The following ZNF326 variants were observed in gnomAD, a reference collection of about 807,000 sequenced individuals.
ZNF326 encodes zinc finger protein 326.
In ZNF326, 30 loss-of-function variants were observed where a neutral mutation model predicts 63.1. The ratio of observed to expected loss-of-function variants is 0.48; its 90% CI spans 0.36 to 0.64. ZNF326 has a LOEUF of 0.64. ZNF326 is among the 30% of genes least tolerant of loss of function. The pLI is 0.00. For missense variants in ZNF326, 609 were observed against 720.3 expected (o/e 0.85, Z 1.77); for synonymous variants, 194 against 228.2 (o/e 0.85, Z 1.35).
chr1:90,005,722 T>A (rs562623498), intron 4 of ZNF326: 3 of 984,672 alleles, frequency 3.0e-6, no homozygotes, highest in South Asian at 4.7e-5. Flanking sequence ...TCAGGACATA[T>A]TCCTTTAATT....
chr1:90,001,223 C>G (rs1306333059), intron 2 of ZNF326, among the ~76,000 whole-genome samples: 5 of 152,160 alleles, frequency 3.3e-5, no homozygotes, highest in African/African-American at 1.2e-4. Context: ...TGCAAAATCT[C>G]CCCTAGTTAA....
rs1648941821 is a variant in ZNF326, at chr1:90,005,438, G to T, written c.209+194G>T. 3 of 1,310,722 alleles carry T rather than the reference G, an allele frequency of 2.3e-6. No individual in the cohort carries two copies. In the Admixed American group the frequency reaches 1.1e-4, roughly 49 times the overall value. The allele number at this position is 1,310,722 out of a possible 1,614,324, so 81.2% of individuals were successfully genotyped here. A position where few individuals can be genotyped will look rare whatever the true frequency, so the allele number is the denominator to read the frequency against. On this transcript the variant is annotated intron_variant, in intron 4 of 11. Coordinates refer to ENST00000340281, the MANE Select transcript of ZNF326 (RefSeq NM_182976.4). ...GTATTACTGGCAGACGTTATTTTAG[G>T]AAAACACCAGATAACTATATCATGT... is the stretch of plus-strand genomic sequence containing the variant.
Position 90,011,520 on chromosome 1 carries a change from T to C in ZNF326, c.814+1234T>C, listed in dbSNP as rs1418560099. Among the ~76,000 whole-genome samples the C allele has an allele frequency of 1.1e-4, 16 of 150,184 alleles. No individual in the cohort carries two copies. In the South Asian group the frequency reaches 1.3e-3, roughly 12 times the overall value. On this transcript the variant is annotated intron_variant, in intron 6 of 11. Coordinates refer to ENST00000340281, the MANE Select transcript of ZNF326 (RefSeq NM_182976.4). ...AATTTAAGGGCAAATAGTTAAGTTT[T>C]TTTTTTTTTTTTTTTTTTAAGTATA...
chr1:90,004,822 C>G (rs960463080), intron 2 of ZNF326, among the ~76,000 whole-genome samples, 181 bp from the exon 3 acceptor site: 2 of 10,034 alleles, frequency 2.0e-4, no homozygotes, highest in East Asian at 3.1e-3. Flanking sequence ...TTTTTTTTAG[C>G]AAATTTGATT....
Position 90,027,344 on chromosome 1 carries a change from AT to A in ZNF326, c.1402-9del. 6.2e-7 allele frequency: 1 copy of A among 1,610,734 alleles called. No homozygotes were observed. The highest frequency in any genetic ancestry group is 1.1e-5 in the South Asian group (1 of 90,452). On this transcript the variant is annotated splice_polypyrimidine_tract_variant and intron_variant, in intron 11 of 11. Transcript: ENST00000340281. ...GTGCTGATTTTGAAAGCCATTTCTT[AT>A]GTTTTTAGGGTGAGAATCCTTTTGA... is the stretch of plus-strand genomic sequence containing the variant.
At chr1:90,027,065 A>ATGTGTGTG (rs59960066) in intron 11 of ZNF326, among the ~76,000 whole-genome samples, 20 of 149,312 alleles carry the variant, frequency 1.3e-4, no homozygotes, top group African/African-American at 3.4e-4. Flanking sequence ...ATGTGTATAT[A>ATGTGTGTG]TGTGTGTGTG....
chr1:89,997,615 G>A (rs549100880), intron 1 of ZNF326, among the ~76,000 whole-genome samples: 3 of 152,136 alleles, frequency 2.0e-5, no homozygotes, highest in South Asian at 4.1e-4. Context: ...CTCGTGACCC[G>A]CCCACCTCAC....
rs780149353 is a variant in ZNF326 at position 90,022,285 on chromosome 1, G to C, written c.1341G>C (p.Leu447Phe). The C allele has an allele frequency of 6.2e-7, 1 of 1,612,968 alleles. No individual in the cohort carries two copies. ...YKEQIKRESV[L>F]TATSILNNPI... ...AACAAATAAAAAGAGAGAGTGTCTT[G>C]ACTGCTACAAGCATTTTAAATAATC... is the stretch of plus-strand genomic sequence containing the variant. The change falls in exon 11 of 12, where the codon TTG (leucine) becomes TTC (phenylalanine). Residue 447 changes from leucine (L) to phenylalanine (F), a missense_variant. Physicochemically the swap from Leu to Phe is conservative, Grantham distance 22 (BLOSUM62 0). Coordinates refer to ENST00000340281, the MANE Select transcript of ZNF326 (RefSeq NM_182976.4).
rs551367159 is a variant in ZNF326, at chr1:89,995,298, G to A, written c.16+25G>A. On this transcript the variant is annotated intron_variant, in intron 1 of 11. Coordinates refer to ENST00000340281, the MANE Select transcript of ZNF326 (RefSeq NM_182976.4). The stretch of plus-strand genomic sequence containing the variant: ...GGTAAGCGCTGCCTCTGGCTGGTCG[G>A]CGCAGCTGGCAGGAGGCGGGGTGGC... 17 of 1,543,450 alleles carry A rather than the reference G, an allele frequency of 1.1e-5. No homozygotes were observed. The East Asian group carries it at 2.5e-4, about 23-fold the overall frequency.
At position 90,029,535 on chromosome 1, in the gene ZNF326, T is replaced by C. The variant is rs1448738405; in HGVS notation, c.*1834T>C. The C allele has an allele frequency of 2.0e-5, 3 of 152,156 alleles. No homozygotes were observed. The highest frequency in any genetic ancestry group is 4.4e-5 in the Non-Finnish European group (3 of 67,996). The allele number at this position is 152,156 out of a possible 1,614,324, so 9.4% of individuals were successfully genotyped here. A position where few individuals can be genotyped will look rare whatever the true frequency, so the allele number is the denominator to read the frequency against. On this transcript the variant is annotated 3_prime_UTR_variant, in exon 12 of 12. Coordinates refer to ENST00000340281, the MANE Select transcript of ZNF326 (RefSeq NM_182976.4). ...ATTTCTCCTTTATTTTTAAAAATAT[T>C]TGTGGAAGGGCTAAGGTAAAAGAAT...
In ZNF326 at chr1:90,017,444, G is replaced by T; in HGVS notation, c.1054G>T (p.Val352Leu). 2 of 1,589,774 alleles carry T rather than the reference G, an allele frequency of 1.3e-6. No homozygotes were observed. The highest frequency in any genetic ancestry group is 1.2e-5 in the South Asian group (1 of 84,590). Residue 352 changes from valine (V) to leucine (L), a missense_variant, in exon 8 of 12, where the codon GTA becomes TTA. Val to Leu is a conservative substitution (Grantham distance 32). This residue lies in a region of ZNF326 where 399 missense variants were observed against 444.3 expected (regional missense o/e 0.90). Coordinates refer to ENST00000340281, the MANE Select transcript of ZNF326 (RefSeq NM_182976.4). Reference sequence around the variant, plus strand: ...ACAGAAACAAACTAAATTTGATAAAGTAGTTATGGAGTTTTTGCATGTGAG... The same window carrying T: ...ACAGAAACAAACTAAATTTGATAAATTAGTTATGGAGTTTTTGCATGTGAG... ...HIQKQTKFDK[V>L]VMEFLHECMV...
chr1:90,014,466 T>A (rs1035037622), intron 7 of ZNF326, among the ~76,000 whole-genome samples: 1 of 152,200 alleles, frequency 6.6e-6, no homozygotes, highest in Non-Finnish European at 1.5e-5. Context: ...AGTAATTTCA[T>A]TAAACTAAAA....
chr1:90,022,082 G>C (rs187877309), intron 10 of ZNF326, among the ~76,000 whole-genome samples, 168 bp from the exon 11 acceptor site: 64 of 152,092 alleles, frequency 4.2e-4, no homozygotes, highest in Non-Finnish European at 7.9e-4. Context: ...TTCATTGTTT[G>C]AATTCATAGA....
At position 90,007,674 on chromosome 1, in the gene ZNF326, A is replaced by C. The variant is rs373571182; in HGVS notation, c.539A>C (p.Tyr180Ser). ...VGSRGRGTPA[Y>S]PESTFGSRNY... is the part of the protein sequence containing the mutation. Reference sequence around the variant, plus strand: ...TCTCGGGGGAGAGGAACGCCTGCTTATCCTGAAAGTACGTTTGGAAGCAGA... The same window carrying C: ...TCTCGGGGGAGAGGAACGCCTGCTTCTCCTGAAAGTACGTTTGGAAGCAGA... Residue 180 changes from tyrosine (Y) to serine (S), a missense_variant, in exon 5 of 12, where the codon TAT becomes TCT. Around this residue, in one of 3 missense-constraint regions of ZNF326, gnomAD observed 113 missense variants for 187.4 expected, o/e 0.60. Coordinates refer to ENST00000340281, the MANE Select transcript of ZNF326 (RefSeq NM_182976.4). This position sits in a 1 kb window ranked among gnomAD's most constrained non-coding sequence, Gnocchi z 4.9. The C allele has an allele frequency of 6.6e-7, 1 of 1,524,048 alleles. No individual in the cohort carries two copies. The highest frequency in any genetic ancestry group is 1.4e-5 in the African/African-American group (1 of 71,730). The allele number at this position is 1,524,048 out of a possible 1,614,324, so 94.4% of individuals were successfully genotyped here.
At chr1:90,018,569 A>T (rs1260033755) in intron 8 of ZNF326, 116 bp from the exon 9 acceptor site, 1 of 504,774 alleles carries the variant, frequency 2.0e-6, no homozygotes, top group East Asian at 3.5e-5. Context: ...CCTTGAGAAA[A>T]GATGTTAATT....
At position 90,022,143 on chromosome 1, in the gene ZNF326, T is replaced by A. The variant is rs888150219; in HGVS notation, c.1306-107T>A. 3 of 773,952 alleles carry A rather than the reference T, an allele frequency of 3.9e-6. No homozygotes were observed. The African/African-American group carries it at 5.3e-5, about 14-fold the overall frequency. 47.9% of individuals were successfully genotyped at this position (773,952 alleles called of 1,614,324 possible). On this transcript the variant is annotated intron_variant, in intron 10 of 11. Coordinates refer to ENST00000340281, the MANE Select transcript of ZNF326 (RefSeq NM_182976.4). The stretch of plus-strand genomic sequence containing the variant: ...TATTGCTCTATAGTTTGTAAGAAGA[T>A]AAGTCATTTAAATCTAAGGGTTTGA...
chr1:90,021,409 A>AT (rs575605328), intron 10 of ZNF326, among the ~76,000 whole-genome samples: 48 of 152,138 alleles, frequency 3.2e-4, no homozygotes, highest in African/African-American at 1.1e-3. Flanking sequence ...TAAAGATTTG[A>AT]TTATTACTGA....
At chr1:90,017,541 C>G in intron 8 of ZNF326, 77 bp downstream of exon 8, 2 of 1,325,114 alleles carry the variant, frequency 1.5e-6, no homozygotes, top group Non-Finnish European at 2.1e-6. Flanking sequence ...CTCTCCCCAT[C>G]TCTCACATTT....
chr1:90,007,229 C>G lies in ZNF326; in HGVS notation c.210-116C>G, dbSNP rs1557519555. 3 of 1,085,566 alleles carry G rather than the reference C, an allele frequency of 2.8e-6. No individual in the cohort carries two copies. Among genetic ancestry groups the G allele is most frequent in the Non-Finnish European group, 3.9e-6 (3 of 763,940 alleles). 67.2% of individuals were successfully genotyped at this position (1,085,566 alleles called of 1,614,324 possible). A position where few individuals can be genotyped will look rare whatever the true frequency, so the allele number is the denominator to read the frequency against. ...GTGAACAAAAGTAGAACTGTGCAAA[C>G]CAGTATGGTATAAATGAATTTTAGT... On this transcript the variant is annotated intron_variant, in intron 4 of 11. Coordinates refer to ENST00000340281, the MANE Select transcript of ZNF326 (RefSeq NM_182976.4). This position sits in a 1 kb window ranked among gnomAD's most constrained non-coding sequence, Gnocchi z 4.9.
Sources: allele counts gnomAD v4.1 joint callset (sites outside exome capture counted in the v4.1 genomes callset), GRCh38; gene constraint gnomAD v4.1.1; regional missense constraint gnomAD v4.1.1; non-coding constraint Gnocchi (gnomAD v3.1); transcripts MANE v1.5; gene names NCBI Gene and HGNC (gene_info 2026-07-23, HGNC 2026-07-21).